AATK: variants seen among roughly 807,000 people sequenced by gnomAD.
The protein encoded by AATK is serine/threonine-protein kinase LMTK1.
Under a neutral mutation model 114.3 loss-of-function variants are expected in AATK, and 91 were observed. That is an observed-to-expected ratio of 0.80 (90% confidence interval 0.67 to 0.95). AATK has a LOEUF of 0.95. Among genes scored for constraint, AATK ranks in the 40% least tolerant of loss-of-function variants. AATK has a pLI of 0.00. For synonymous variants in AATK, 1,075 were observed against 916.5 expected (o/e 1.17, Z -3.12); for missense variants, 2,176 against 1,965.2 (o/e 1.11, Z -2.03).
intron 13 of AATK, among the ~76,000 whole-genome samples, 180 bp downstream of exon 13, chr17:81,119,200 C>T (rs117951413): frequency 3.1e-4 from 42 of 133,422 alleles, no homozygotes; most frequent in African/African-American, 8.0e-4. Context: ...GAGGGCCAGG[C>T]GAGGGCCAGG....
Position 81,121,094 on chromosome 17 carries a change from C to T in AATK, c.2842G>A (p.Glu948Lys), listed in dbSNP as rs756174027. 37 of 1,606,018 alleles carry T rather than the reference C, an allele frequency of 2.3e-5. No individual in the cohort carries two copies. The African/African-American group carries it at 4.8e-4, about 21-fold the overall frequency. The change falls in exon 11 of 14, where the codon GAG (glutamate) becomes AAG (lysine). Residue 948 changes from glutamate (E) to lysine (K), a missense_variant. By Grantham distance (56) the Glu-to-Lys change is moderately conservative (BLOSUM62 1). Transcript: ENST00000326724. ...TCCTGCGCCTCCTTGAGCACAAACT[C>T]AGGGGACTCATAGTTCTCGGTGTCA... ...GYDTENYESP[E>K]FVLKEAQEGC...
chr17:81,118,272 G>T lies in AATK; in HGVS notation c.*130C>A. ...CGGGCTTCTCCAGGACACCGCGTGG[G>T]GCAGAGGCACCTGAATCTGCTGCCA... On this transcript the variant is annotated 3_prime_UTR_variant, in exon 14 of 14. Coordinates refer to ENST00000326724, the MANE Select transcript of AATK (RefSeq NM_001080395.3). 2 of 932,956 alleles carry T rather than the reference G, an allele frequency of 2.1e-6. No individual in the cohort carries two copies. The allele number at this position is 932,956 out of a possible 1,614,324, so 57.8% of individuals were successfully genotyped here. A position where few individuals can be genotyped will look rare whatever the true frequency, so the allele number is the denominator to read the frequency against.
chr17:81,134,108 A>T (rs2060975733), intron 2 of AATK, among the ~76,000 whole-genome samples: 1 of 152,056 alleles, frequency 6.6e-6, no homozygotes, highest in Non-Finnish European at 1.5e-5. Flanking sequence ...CTCGGGCCCA[A>T]CCCCAGGCTG....
rs565164173 is a variant in AATK at position 81,121,308 on chromosome 17, G to A, written c.2628C>T (p.Ser876=). 8.9e-5 allele frequency: 143 copies of A among 1,611,352 alleles called. 1 individual carries two copies. Among genetic ancestry groups the A allele is most frequent in the South Asian group, 4.7e-4 (43 of 90,978 alleles). The change falls in exon 11 of 14, where the codon AGC becomes AGT. Residue 876 remains serine (S), a synonymous_variant. Transcript: ENST00000326724. ...ATSGIFTDTS[S]DGLQARRPDV... is the part of the protein sequence containing the mutation. ...CCGGCCTCCTGGCCTGCAGGCCGTC[G>A]CTGGACGTGTCGGTGAAGATGCCTG... is the stretch of plus-strand genomic sequence containing the variant.
At chr17:81,134,176 G>A (rs1465195245) in intron 2 of AATK, among the ~76,000 whole-genome samples, 192 bp downstream of exon 2, 1 of 152,210 alleles carries the variant, frequency 6.6e-6, no homozygotes, top group East Asian at 1.9e-4. Flanking sequence ...GGAAGCTGGG[G>A]CAGGTCCCTG....
chr17:81,120,347 C>T lies in AATK; in HGVS notation c.3589G>A (p.Val1197Met). ...SEEEAPAVPV[V>M]VAESQSARNL... is the part of the protein sequence containing the mutation. ...CGCGCGCTCTGGCTCTCAGCCACCACCACGGGCACCGCCGGCGCCTCCTCT... is the reference window on the plus strand; with the variant it reads ...CGCGCGCTCTGGCTCTCAGCCACCATCACGGGCACCGCCGGCGCCTCCTCT... Residue 1197 changes from valine (V) to methionine (M), a missense_variant, in exon 11 of 14, where the codon GTG becomes ATG. Around this residue, in one of 4 missense-constraint regions of AATK, gnomAD observed 1,701 missense variants for 1,394.7 expected, o/e 1.22. Transcript: ENST00000326724. 6.2e-7 allele frequency: 1 copy of T among 1,610,222 alleles called. No individual in the cohort carries two copies. The highest frequency in any genetic ancestry group is 1.1e-5 in the South Asian group (1 of 90,978).
rs938860677 is a variant in AATK at position 81,127,678 on chromosome 17, A to G, written c.534-8T>C. 1 of 1,564,696 alleles carries G rather than the reference A, an allele frequency of 6.4e-7. No homozygotes were observed. The highest frequency in any genetic ancestry group is 8.7e-7 in the Non-Finnish European group (1 of 1,154,274). Reference sequence around the variant, plus strand: ...TTGCTGTGCTTCAGGGCCCTGCGGGAGTGGACAGGCGGCCCCTGACTTGGG... The same window carrying G: ...TTGCTGTGCTTCAGGGCCCTGCGGGGGTGGACAGGCGGCCCCTGACTTGGG... On this transcript the variant is annotated splice_polypyrimidine_tract_variant and splice_region_variant and intron_variant, in intron 5 of 13. Transcript: ENST00000326724.
chr17:81,150,424 A>G (rs1245490276), intron 1 of AATK, among the ~76,000 whole-genome samples: 1 of 89,634 alleles, frequency 1.1e-5, no homozygotes, highest in Non-Finnish European at 2.1e-5. Flanking sequence ...CCTGATCCCA[A>G]TGCTTCCCCC....
intron 7 of AATK, among the ~76,000 whole-genome samples, chr17:81,125,554 AGAAT>A (rs2060801186): frequency 6.6e-6 from 1 of 152,192 alleles, no homozygotes; most frequent in Admixed American, 6.5e-5. Context: ...GGGTCTGGAA[AGAAT>A]GCAGGTTACG....
At position 81,118,361 on chromosome 17, in the gene AATK, T is replaced by TC. The variant is rs1368756720; in HGVS notation, c.*40dup. The TC allele has an allele frequency of 9.5e-6, 15 of 1,577,854 alleles. No homozygotes were observed. Among genetic ancestry groups the TC allele is most frequent in the Non-Finnish European group, 1.3e-5 (15 of 1,162,048 alleles). ...ATCCTCGCTGCTGCCTGGCAGGGGC[T>TC]CCGGTGACGCCAGCCTTGAGGGGCA... On this transcript the variant is annotated 3_prime_UTR_variant, in exon 14 of 14. Transcript: ENST00000326724.
intron 1 of AATK, among the ~76,000 whole-genome samples, chr17:81,145,728 C>A (rs1598959471): frequency 1.0e-5 from 1 of 99,862 alleles, no homozygotes; most frequent in South Asian, 3.9e-4. Flanking sequence ...AGCAAAACTC[C>A]ATCTCAAAAA....
In AATK at chr17:81,143,257, G is replaced by T. The variant is rs111817258; in HGVS notation, c.56-8756C>A. Among the ~76,000 whole-genome samples the T allele has an allele frequency of 3.3e-5, 5 of 151,760 alleles. No homozygotes were observed. The South Asian group carries it at 1.0e-3, about 32-fold the overall frequency. On this transcript the variant is annotated intron_variant, in intron 1 of 13. Transcript: ENST00000326724. ...CGGAAGCCGCCTGCAGCAGCCCCAGGTCCCAGGCAGCCTGTGCGGGACCCT... is the reference window on the plus strand; with the variant it reads ...CGGAAGCCGCCTGCAGCAGCCCCAGTTCCCAGGCAGCCTGTGCGGGACCCT...
At chr17:81,132,057 G>C in intron 2 of AATK, 1 of 1,283,504 alleles carries the variant, frequency 7.8e-7, no homozygotes, top group Non-Finnish European at 1.0e-6. Flanking sequence ...GGCTGCACCT[G>C]TATAGGGGAT....
rs1016914034 is a variant in AATK, at chr17:81,119,275, G to A, written c.4084+105C>T. The A allele has an allele frequency of 6.9e-5, 80 of 1,151,870 alleles. 1 individual carries two copies. The South Asian group carries it at 1.0e-3, about 14-fold the overall frequency. The allele number at this position is 1,151,870 out of a possible 1,614,324, so 71.4% of individuals were successfully genotyped here. ...CCGGGAAGGAGCGGAGCGGAGCGGA[G>A]CCGGGGCTGGCCCGGCCCAGGACCT... On this transcript the variant is annotated intron_variant, in intron 13 of 13. Coordinates refer to ENST00000326724, the MANE Select transcript of AATK (RefSeq NM_001080395.3).
intron 1 of AATK, among the ~76,000 whole-genome samples, chr17:81,163,851 G>A (rs372201976): frequency 7.9e-4 from 121 of 152,372 alleles, no homozygotes; most frequent in Non-Finnish European, 9.8e-4. Context: ...GCCCGGCAGC[G>A]GGGCAGGGCC....
intron 8 of AATK, 26 bp from the exon 9 acceptor site, chr17:81,124,874 CT>C (rs1372719468): frequency 6.3e-6 from 10 of 1,587,054 alleles, no homozygotes; most frequent in Non-Finnish European, 7.7e-6. Context: ...CGGGTCACCC[CT>C]GCCGGCGCAG....
chr17:81,157,368 C>G (rs2061379477), intron 1 of AATK, among the ~76,000 whole-genome samples: 1 of 152,220 alleles, frequency 6.6e-6, no homozygotes, highest in African/African-American at 2.4e-5. Flanking sequence ...TGCACTTGCT[C>G]ATAGACGCAC....
In AATK at chr17:81,131,922, A is replaced by G. The variant is rs770996327; in HGVS notation, c.190-717T>C. ...CCCACCTGCCACCGCCATCTGCCCC[A>G]GCAGCCTTGGACCTTCACCTGGTGG... On this transcript the variant is annotated intron_variant, in intron 2 of 13. Transcript: ENST00000326724. The G allele has an allele frequency of 1.3e-5, 17 of 1,343,728 alleles. No individual in the cohort carries two copies. In the South Asian group the frequency reaches 1.5e-4, roughly 12 times the overall value. 83.2% of individuals were successfully genotyped at this position (1,343,728 alleles called of 1,614,324 possible).
chr17:81,139,380 G>A (rs1463758107), intron 1 of AATK, among the ~76,000 whole-genome samples: 3 of 152,196 alleles, frequency 2.0e-5, no homozygotes, highest in Non-Finnish European at 2.9e-5. Flanking sequence ...TCCCAAATAC[G>A]AGAAGGGGTA....
Sources: allele counts gnomAD v4.1 joint callset (sites outside exome capture counted in the v4.1 genomes callset), GRCh38; gene constraint gnomAD v4.1.1; regional missense constraint gnomAD v4.1.1; transcripts MANE v1.5; gene names NCBI Gene and HGNC (gene_info 2026-07-23, HGNC 2026-07-21).